Variants in NKAIN3 observed in about 807,000 individuals in gnomAD.
NKAIN3 encodes sodium/potassium-transporting ATPase subunit beta-1-interacting protein 3.
NKAIN3 carries 25 observed loss-of-function variants against 30.2 expected under a neutral mutation model. The ratio of observed to expected loss-of-function variants is 0.83; its 90% CI spans 0.60 to 1.16. The LOEUF (loss-of-function observed/expected upper bound fraction) is 1.16, where lower values mean the gene tolerates loss of function less well. NKAIN3 is among the 50% of genes most tolerant of loss of function. The pLI is 0.00. For missense variants in NKAIN3, 225 were observed against 254.1 expected (o/e 0.89, Z 0.78); for synonymous variants, 91 against 89.6 (o/e 1.02, Z -0.09).
chr8:62,526,991 C>T (rs183148193), intron 1 of NKAIN3, among the ~76,000 whole-genome samples: 85 of 152,292 alleles, frequency 5.6e-4, no homozygotes, highest in South Asian at 2.1e-3. Context: ...CCAGTTTTTG[C>T]TCCATCCCAC....
chr8:62,625,093 C>T (rs1399271284), intron 3 of NKAIN3, among the ~76,000 whole-genome samples: 1 of 152,084 alleles, frequency 6.6e-6, no homozygotes, highest in Middle Eastern at 3.2e-3. Context: ...ATATCTGACT[C>T]TGGCTATGAT....
At chr8:62,893,078 C>A (rs972372518) in intron 4 of NKAIN3, among the ~76,000 whole-genome samples, 1 of 152,084 alleles carries the variant, frequency 6.6e-6, no homozygotes, top group Non-Finnish European at 1.5e-5. Context: ...CCAAGAAGTG[C>A]AGCATGGTTC....
At chr8:62,820,714 T>C (rs1183018499) in intron 4 of NKAIN3, among the ~76,000 whole-genome samples, 2 of 152,088 alleles carry the variant, frequency 1.3e-5, no homozygotes, top group Admixed American at 6.6e-5. Context: ...AGAACCATAG[T>C]AAAATATTGT....
intron 4 of NKAIN3, among the ~76,000 whole-genome samples, chr8:62,907,125 G>A (rs1220204073): frequency 2.6e-5 from 4 of 152,162 alleles, no homozygotes; most frequent in African/African-American, 4.8e-5. Flanking sequence ...TAAAATAAAG[G>A]TGACTCTTGC....
rs1296182246 is a variant in NKAIN3, at chr8:62,777,519, A to G, written c.471+30390A>G. On this transcript the variant is annotated intron_variant, in intron 4 of 6. Transcript: ENST00000623646. ...TTCATCCATATGCCAGACATTTTCA[A>G]CTTCATAACTACTGCTTGATTATTC... 1.3e-5 allele frequency among the ~76,000 whole-genome samples: 2 copies of G among 152,156 alleles called. 1 individual carries two copies. The highest frequency in any genetic ancestry group is 2.9e-5 in the Non-Finnish European group (2 of 68,018).
Position 62,254,123 on chromosome 8 carries a change from G to A in NKAIN3, c.54+4996G>A, listed in dbSNP as rs73683074. ...CAAATACTGAAGGGTTACATCGTGAGTAACAAAATGAATTGTTGTGCTTGG... is the reference window on the plus strand; with the variant it reads ...CAAATACTGAAGGGTTACATCGTGAATAACAAAATGAATTGTTGTGCTTGG... On this transcript the variant is annotated intron_variant, in intron 1 of 6. Coordinates refer to ENST00000623646, the MANE Select transcript of NKAIN3 (RefSeq NM_001304533.3). 9.9e-3 allele frequency among the ~76,000 whole-genome samples: 1,502 copies of A among 151,384 alleles called. 34 individuals carry two copies. Among genetic ancestry groups the A allele is most frequent in the African/African-American group, 0.035 (1,429 of 41,196 alleles).
At position 62,253,579 on chromosome 8, in the gene NKAIN3, G is replaced by T. The variant is rs888657538; in HGVS notation, c.54+4452G>T. 2.6e-5 allele frequency among the ~76,000 whole-genome samples: 4 copies of T among 152,082 alleles called. 1 individual carries two copies. The East Asian group carries it at 7.7e-4, about 29-fold the overall frequency. ...GTGACACTCTCTATCTAAAAAGAAA[G>T]AAATACATAAGTAAATAAATAAATA... is the stretch of plus-strand genomic sequence containing the variant. On this transcript the variant is annotated intron_variant, in intron 1 of 6. Transcript: ENST00000623646.
intron 1 of NKAIN3, among the ~76,000 whole-genome samples, chr8:62,434,293 C>A (rs151192415): frequency 1.3e-3 from 201 of 152,224 alleles, no homozygotes; most frequent in African/African-American, 4.7e-3. Flanking sequence ...CTAAGTGATG[C>A]AAGTCTCAAC....
chr8:62,602,794 T>C (rs1015450877), intron 3 of NKAIN3, among the ~76,000 whole-genome samples: 4 of 152,096 alleles, frequency 2.6e-5, no homozygotes, highest in African/African-American at 7.2e-5. Context: ...TGCTGATGAA[T>C]CTCCAAACAT....
chr8:62,509,969 A>G (rs1157764277), intron 1 of NKAIN3, among the ~76,000 whole-genome samples: 2 of 152,148 alleles, frequency 1.3e-5, no homozygotes, highest in African/African-American at 4.8e-5. Context: ...ATTTTAAGTG[A>G]CCAAAAGGAT....
intron 3 of NKAIN3, among the ~76,000 whole-genome samples, chr8:62,618,884 C>T (rs544488263): frequency 1.1e-4 from 16 of 151,388 alleles, no homozygotes; most frequent in Non-Finnish European, 1.5e-4. Flanking sequence ...CCAGCCTGGG[C>T]GACAGAGTGA....
At chr8:62,850,768 A>G (rs974892110) in intron 4 of NKAIN3, among the ~76,000 whole-genome samples, 2 of 152,036 alleles carry the variant, frequency 1.3e-5, no homozygotes, top group African/African-American at 4.8e-5. Flanking sequence ...ATGGTTGTAG[A>G]TATGCAGCGT....
At chr8:62,464,418 G>C (rs1167696753) in intron 1 of NKAIN3, among the ~76,000 whole-genome samples, 1 of 152,038 alleles carries the variant, frequency 6.6e-6, no homozygotes, top group Non-Finnish European at 1.5e-5. Context: ...TATATATTTG[G>C]ATTCACACAG....
At chr8:62,496,880 G>A (rs187341718) in intron 1 of NKAIN3, among the ~76,000 whole-genome samples, 83 of 152,164 alleles carry the variant, frequency 5.5e-4, no homozygotes, top group African/African-American at 1.9e-3. Context: ...TTCCGTACGT[G>A]GCCTCCAATT....
intron 5 of NKAIN3, among the ~76,000 whole-genome samples, chr8:62,948,843 C>T (rs1823201777): frequency 6.6e-6 from 1 of 152,190 alleles, no homozygotes; most frequent in African/African-American, 2.4e-5. Flanking sequence ...TGTTAATTCA[C>T]GTCTTCGTGC....
chr8:62,740,959 T>A lies in NKAIN3; in HGVS notation c.274-5973T>A, dbSNP rs560702419. 7.9e-5 allele frequency among the ~76,000 whole-genome samples: 12 copies of A among 152,132 alleles called. 1 individual carries two copies. The South Asian group carries it at 2.5e-3, about 32-fold the overall frequency. On this transcript the variant is annotated intron_variant, in intron 3 of 6. Coordinates refer to ENST00000623646, the MANE Select transcript of NKAIN3 (RefSeq NM_001304533.3). Reference sequence around the variant, plus strand: ...ACACATGGTTATCAGGTGCTTTTTCTTTTTCTCCTTGTCCACCCTTAAAGC... The same window carrying A: ...ACACATGGTTATCAGGTGCTTTTTCATTTTCTCCTTGTCCACCCTTAAAGC...
At chr8:62,407,277 GTA>G (rs1195048519) in intron 1 of NKAIN3, among the ~76,000 whole-genome samples, 4 of 150,554 alleles carry the variant, frequency 2.7e-5, no homozygotes, top group African/African-American at 4.9e-5. Context: ...AAAATTATAT[GTA>G]TATGTGTGTA....
chr8:62,797,971 C>T (rs1446998284), intron 4 of NKAIN3, among the ~76,000 whole-genome samples: 3 of 152,124 alleles, frequency 2.0e-5, no homozygotes, highest in Non-Finnish European at 2.9e-5. Context: ...AGATTCTTCC[C>T]AAAGTGCTTT....
chr8:62,255,251 G>T (rs1812229994), intron 1 of NKAIN3, among the ~76,000 whole-genome samples: 1 of 152,170 alleles, frequency 6.6e-6, no homozygotes, highest in Non-Finnish European at 1.5e-5. Flanking sequence ...AAATCAGAAT[G>T]GAAAACACGC....
Sources: gnomAD v4.1 joint callset for allele counts (sites outside exome capture counted in the v4.1 genomes callset) on GRCh38, gnomAD v4.1.1 for gene constraint, MANE v1.5 for transcripts, NCBI Gene and HGNC (gene_info 2026-07-23, HGNC 2026-07-21) for gene names.